The following RPS6KC1 variants were observed in gnomAD, a reference collection of about 807,000 sequenced individuals.
The protein encoded by RPS6KC1 is ribosomal protein S6 kinase C1.
A neutral mutation model predicts 103.8 loss-of-function variants in RPS6KC1; 54 were observed. The ratio of observed to expected loss-of-function variants is 0.52; its 90% CI spans 0.42 to 0.65. The LOEUF is 0.65. RPS6KC1 is among the 30% of genes least tolerant of loss of function. RPS6KC1 has a pLI of 0.00. For synonymous variants in RPS6KC1, 439 were observed against 438.7 expected, an observed-to-expected ratio of 1.00 and a Z score of -0.01; for missense variants, 1,151 against 1,253.8, an observed-to-expected ratio of 0.92 and a Z score of 1.24.
chr1:213,051,630 C>T (rs1354044125), intron 1 of RPS6KC1, 121 bp downstream of exon 1: 2 of 693,610 alleles, frequency 2.9e-6, no homozygotes, highest in Non-Finnish European at 5.0e-6. Flanking sequence ...GGGTGCTGCT[C>T]CTACTGGCGG....
the RPS6KC1 span, among the ~76,000 whole-genome samples, chr1:213,325,908 G>T: frequency 6.6e-6 from 1 of 152,182 alleles, no homozygotes; most frequent in Non-Finnish European, 1.5e-5. Context: ...TGTTCCCCTG[G>T]AAAGCCCTTC....
the RPS6KC1 span, among the ~76,000 whole-genome samples, chr1:213,778,833 G>C: frequency 6.6e-6 from 1 of 151,982 alleles, no homozygotes; most frequent in East Asian, 1.9e-4. Context: ...GATTAGATTT[G>C]GTCTCTAGTC....
the RPS6KC1 span, among the ~76,000 whole-genome samples, chr1:213,515,565 CTCTGT>C: frequency 6.6e-6 from 1 of 152,122 alleles, no homozygotes; most frequent in Non-Finnish European, 1.5e-5. Context: ...TTTCTGAGGG[CTCTGT>C]TCTGTTCCAT....
At chr1:213,792,909 A>T in the RPS6KC1 span, among the ~76,000 whole-genome samples, 2 of 152,044 alleles carry the variant, frequency 1.3e-5, no homozygotes, top group South Asian at 4.2e-4. Context: ...TGCATCCTGA[A>T]CAGCCAGCCC....
chr1:213,166,338 C>G (rs764045308), intron 6 of RPS6KC1, among the ~76,000 whole-genome samples: 1 of 152,096 alleles, frequency 6.6e-6, no homozygotes, highest in Non-Finnish European at 1.5e-5. Flanking sequence ...ACAGTAAACC[C>G]TAAACCAAAG....
At chr1:213,392,792 A>C in the RPS6KC1 span, among the ~76,000 whole-genome samples, 1 of 152,240 alleles carries the variant, frequency 6.6e-6, no homozygotes, top group Non-Finnish European at 1.5e-5. Context: ...ATACCAACGC[A>C]TGCATCTTCC....
At chr1:213,662,122 C>T in the RPS6KC1 span, among the ~76,000 whole-genome samples, 3 of 152,070 alleles carry the variant, frequency 2.0e-5, no homozygotes, top group Non-Finnish European at 2.9e-5. Flanking sequence ...CCCCCACTCC[C>T]CTCGAGACAC....
chr1:213,399,524 C>T, the RPS6KC1 span, among the ~76,000 whole-genome samples: 1 of 152,072 alleles, frequency 6.6e-6, no homozygotes, highest in Non-Finnish European at 1.5e-5. Flanking sequence ...TCCAAAACTG[C>T]TTAAACTCCC....
At chr1:213,431,655 ATGTG>A in the RPS6KC1 span, among the ~76,000 whole-genome samples, 135 of 141,608 alleles carry the variant, frequency 9.5e-4, 1 homozygote, top group African/African-American at 1.7e-3. Context: ...GTTTGTGTGT[ATGTG>A]TGTGTGTGTG....
At chr1:213,736,818 A>C in the RPS6KC1 span, among the ~76,000 whole-genome samples, 1 of 152,230 alleles carries the variant, frequency 6.6e-6, no homozygotes. Flanking sequence ...GTCCCAGGCA[A>C]ATGAGGATAG....
chr1:213,139,480 A>G (rs1285256379), intron 6 of RPS6KC1, among the ~76,000 whole-genome samples: 1 of 152,006 alleles, frequency 6.6e-6, no homozygotes, highest in East Asian at 1.9e-4. Flanking sequence ...CTTAGGTTTT[A>G]CTTTTAAGTC....
the RPS6KC1 span, among the ~76,000 whole-genome samples, chr1:213,602,420 AG>A: frequency 6.6e-6 from 1 of 150,998 alleles, no homozygotes; most frequent in Non-Finnish European, 1.5e-5. Flanking sequence ...TTTAGTAGAG[AG>A]GGGGTTTTGC....
the RPS6KC1 span, among the ~76,000 whole-genome samples, chr1:213,844,951 C>A: frequency 5.3e-5 from 8 of 151,910 alleles, no homozygotes; most frequent in Admixed American, 2.0e-4. Context: ...CCCCCCAGCA[C>A]CCCCACATTA....
At chr1:213,402,985 A>C in the RPS6KC1 span, among the ~76,000 whole-genome samples, 1 of 139,572 alleles carries the variant, frequency 7.2e-6, no homozygotes, top group Non-Finnish European at 1.6e-5. Context: ...AAAATTAGCC[A>C]GGCATGGTGG....
At chr1:213,169,487 A>G (rs1173641932) in intron 7 of RPS6KC1, among the ~76,000 whole-genome samples, 1 of 152,114 alleles carries the variant, frequency 6.6e-6, no homozygotes, top group African/African-American at 2.4e-5. Context: ...TGCTAATCTT[A>G]TCCTATTCTC....
chr1:213,373,327 G>A, the RPS6KC1 span, among the ~76,000 whole-genome samples: 3 of 152,228 alleles, frequency 2.0e-5, no homozygotes, highest in African/African-American at 7.2e-5. Flanking sequence ...CAAGGGACCA[G>A]GACATATTTA....
chr1:213,665,387 C>T, the RPS6KC1 span, among the ~76,000 whole-genome samples: 1 of 151,812 alleles, frequency 6.6e-6, no homozygotes, highest in African/African-American at 2.4e-5. Flanking sequence ...TACACACACA[C>T]ACATAAACAC....
At chr1:213,483,669 T>C in the RPS6KC1 span, among the ~76,000 whole-genome samples, 1 of 152,088 alleles carries the variant, frequency 6.6e-6, no homozygotes, top group Admixed American at 6.5e-5. Flanking sequence ...TCATGTAAGT[T>C]GTAGGCTATC....
At chr1:213,121,108 A>AT (rs1553333401) in intron 5 of RPS6KC1, among the ~76,000 whole-genome samples, 2 of 152,046 alleles carry the variant, frequency 1.3e-5, no homozygotes, top group African/African-American at 4.8e-5. Context: ...TTCTTTTTAA[A>AT]TTTTTTGTAG....
Sources: allele counts gnomAD v4.1 joint callset (sites outside exome capture counted in the v4.1 genomes callset), GRCh38; gene constraint gnomAD v4.1.1; transcripts MANE v1.5; gene names NCBI Gene and HGNC (gene_info 2026-07-23, HGNC 2026-07-21).